TARS1: variants seen among roughly 807,000 people sequenced by gnomAD.
TARS1 encodes threonine--tRNA ligase 1, cytoplasmic.
TARS1 carries 57 observed loss-of-function variants against 97.7 expected under a neutral mutation model. That is an observed-to-expected ratio of 0.58 (90% confidence interval 0.47 to 0.73). The LOEUF is 0.73. Among genes scored for constraint, TARS1 ranks in the 30% least tolerant of loss-of-function variants. The pLI is 0.00. For missense variants in TARS1, 806 were observed against 888.3 expected, an observed-to-expected ratio of 0.91 and a Z score of 1.18; for synonymous variants, 312 against 293.7, an observed-to-expected ratio of 1.06 and a Z score of -0.64.
At chr5:33,445,863 T>C (rs1211684101) in intron 2 of TARS1, among the ~76,000 whole-genome samples, 2 of 152,188 alleles carry the variant, frequency 1.3e-5, no homozygotes, top group African/African-American at 2.4e-5. Flanking sequence ...GGTTGGCTTC[T>C]AAGCCAGGAC....
chr5:33,455,831 T>C (rs1741987684), intron 6 of TARS1, 127 bp downstream of exon 6: 1 of 982,658 alleles, frequency 1.0e-6, no homozygotes, highest in Non-Finnish European at 1.5e-6. Context: ...AATTAAGTGT[T>C]TTTATTATTT....
chr5:33,450,292 A>G (rs1579579563), intron 3 of TARS1, among the ~76,000 whole-genome samples: 2 of 152,320 alleles, frequency 1.3e-5, no homozygotes, highest in African/African-American at 4.8e-5. Context: ...ATTATCATCA[A>G]TTTTGTATTG....
chr5:33,445,582 CTT>C (rs1275327697), intron 2 of TARS1, among the ~76,000 whole-genome samples, 178 bp downstream of exon 2: 4 of 152,170 alleles, frequency 2.6e-5, no homozygotes, highest in Non-Finnish European at 5.9e-5. Context: ...GGAAAAAAGA[CTT>C]TCAGTTGTTA....
chr5:33,448,556 G>T lies in TARS1; in HGVS notation c.154G>T (p.Glu52Ter). The T allele has an allele frequency of 6.3e-7, 1 of 1,589,678 alleles. No homozygotes were observed. Among genetic ancestry groups the T allele is most frequent in the South Asian group, 1.1e-5 (1 of 87,074 alleles). The change falls in exon 3 of 19, where the codon GAA becomes TAA. Residue 52 changes from glutamate to a stop codon, truncating the protein, a stop_gained. Transcript: ENST00000265112. LOFTEE classifies it high-confidence loss of function. ...TGTCTTGCAGTTGAATCCTTGGCCT[G>T]AATATATTTACACACGTCTTGAGAT... is the stretch of plus-strand genomic sequence containing the variant. ...GGRAELNPWP[E>*]YIYTRLEMYN...
At chr5:33,454,086 C>T (rs1369204721) in intron 4 of TARS1, among the ~76,000 whole-genome samples, 1 of 152,184 alleles carries the variant, frequency 6.6e-6, no homozygotes, top group African/African-American at 2.4e-5. Flanking sequence ...TACTTCAAAG[C>T]ACTGCCTTTA....
Position 33,441,031 on chromosome 5 carries a change from G to T in TARS1, c.-56G>T. 1.2e-6 allele frequency: 2 copies of T among 1,611,278 alleles called. No individual in the cohort carries two copies. Among genetic ancestry groups the T allele is most frequent in the Middle Eastern group, 1.7e-4 (1 of 5,932 alleles). On this transcript the variant is annotated 5_prime_UTR_variant, in exon 1 of 19. Transcript: ENST00000265112. Reference sequence around the variant, plus strand: ...TAGCCCACCTCCCACCCGCCTCTTGGCTCCTCTCCTCTAGGCCGTCGCTTT... The same window carrying T: ...TAGCCCACCTCCCACCCGCCTCTTGTCTCCTCTCCTCTAGGCCGTCGCTTT...
intron 2 of TARS1, among the ~76,000 whole-genome samples, chr5:33,445,616 G>A (rs777545371): frequency 2.9e-4 from 44 of 152,230 alleles, no homozygotes; most frequent in Non-Finnish European, 3.5e-4. Context: ...AGCAACTGGC[G>A]TATGATTGTA....
chr5:33,458,482 G>A, intron 9 of TARS1, 84 bp from the exon 10 acceptor site: 1 of 1,155,634 alleles, frequency 8.7e-7, no homozygotes, highest in South Asian at 1.5e-5. Flanking sequence ...CATATTCTGA[G>A]CTCAAGAACA....
chr5:33,457,627 T>C (rs1742095269), intron 9 of TARS1, among the ~76,000 whole-genome samples: 1 of 152,226 alleles, frequency 6.6e-6, no homozygotes, highest in Admixed American at 6.5e-5. Context: ...GAACTACTTT[T>C]ATTGAGAGCA....
In TARS1 at chr5:33,461,067, A is replaced by G. The variant is rs778257005; in HGVS notation, c.1413+3A>G. The G allele has an allele frequency of 8.1e-6, 13 of 1,613,474 alleles. No individual in the cohort carries two copies. The South Asian group carries it at 1.2e-4, about 15-fold the overall frequency. On this transcript the variant is annotated splice_donor_region_variant and intron_variant, in intron 12 of 18. Coordinates refer to ENST00000265112, the MANE Select transcript of TARS1 (RefSeq NM_152295.5). ...ACATATTCTGTGCCATGGAGCAGGT[A>G]TGAGACCCTGGGAATAAAATACTTA...
chr5:33,443,873 T>C (rs994488210), intron 1 of TARS1, among the ~76,000 whole-genome samples: 1 of 152,190 alleles, frequency 6.6e-6, no homozygotes, highest in African/African-American at 2.4e-5. Flanking sequence ...TGAATCTAAA[T>C]GAACCTTTAA....
Position 33,467,694 on chromosome 5 carries a change from G to A in TARS1, c.2158G>A (p.Glu720Lys), listed in dbSNP as rs1244112442. 6.2e-7 allele frequency: 1 copy of A among 1,609,084 alleles called. No individual in the cohort carries two copies. The highest frequency in any genetic ancestry group is 1.3e-5 in the African/African-American group (1 of 74,678). ...QLKEFRSKQAEEEF is the reference protein window; with the variant it reads ...QLKEFRSKQAKEEF ...CAAAGAGTTCCGCAGCAAACAGGCA[G>A]AAGAAGAATTTTAATGAAAAAATTA... The change falls in exon 19 of 19, where the codon GAA (glutamate) becomes AAA (lysine). Residue 720 changes from glutamate to lysine, a missense_variant. Coordinates refer to ENST00000265112, the MANE Select transcript of TARS1 (RefSeq NM_152295.5).
At chr5:33,446,356 A>T (rs1239951352) in intron 2 of TARS1, among the ~76,000 whole-genome samples, 1 of 152,186 alleles carries the variant, frequency 6.6e-6, no homozygotes, top group Admixed American at 6.5e-5. Context: ...GTTGATTGTG[A>T]ATTTTAAAAT....
At chr5:33,461,549 A>AT in intron 13 of TARS1, 118 bp from the exon 14 acceptor site, 2 of 1,141,580 alleles carry the variant, frequency 1.8e-6, no homozygotes, top group East Asian at 5.0e-5. Flanking sequence ...GGTGGACAAA[A>AT]TTCTAAAGCA....
chr5:33,444,279 A>T (rs960292657), intron 1 of TARS1, among the ~76,000 whole-genome samples: 1 of 152,218 alleles, frequency 6.6e-6, no homozygotes, highest in Non-Finnish European at 1.5e-5. Flanking sequence ...GTAAACTGCT[A>T]ATGGGTACAA....
intron 3 of TARS1, chr5:33,452,581 G>T: frequency 1.6e-6 from 1 of 628,360 alleles, no homozygotes; most frequent in Non-Finnish European, 2.7e-6. Flanking sequence ...TTGTATATTG[G>T]GTGTGTAATG....
rs749380627 is a variant in TARS1 at position 33,453,430 on chromosome 5, A to G, written c.453+18A>G. 4 of 1,612,394 alleles carry G rather than the reference A, an allele frequency of 2.5e-6. No individual in the cohort carries two copies. The South Asian group carries it at 3.3e-5, about 13-fold the overall frequency. ...CTCAGGCAGTAAGTTGCTGATTAGT[A>G]TTCATTGAATTTTAGGATGCAGATT... On this transcript the variant is annotated intron_variant, in intron 4 of 18. Coordinates refer to ENST00000265112, the MANE Select transcript of TARS1 (RefSeq NM_152295.5).
At chr5:33,449,328 C>CGCGTATAT (rs1169003370) in intron 3 of TARS1, among the ~76,000 whole-genome samples, 3 of 104,716 alleles carry the variant, frequency 2.9e-5, no homozygotes, top group Non-Finnish European at 6.1e-5. Flanking sequence ...TATATATATA[C>CGCGTATAT]GCGTATATAT....
rs1295037590 is a variant in TARS1, at chr5:33,453,269, T to C, written c.330-20T>C. 6.9e-6 allele frequency: 10 copies of C among 1,456,382 alleles called. No individual in the cohort carries two copies. The highest frequency in any genetic ancestry group is 5.5e-5 in the Admixed American group (2 of 36,484). 90.2% of individuals were successfully genotyped at this position (1,456,382 alleles called of 1,614,324 possible). On this transcript the variant is annotated intron_variant, in intron 3 of 18. Transcript: ENST00000265112. ...GTACTTATATATGTGTGGACTTTTT[T>C]TTTTTTTTTTTTTTTTAAGTCAAGG...
Sources: allele counts gnomAD v4.1 joint callset (sites outside exome capture counted in the v4.1 genomes callset), GRCh38; gene constraint gnomAD v4.1.1; transcripts MANE v1.5; gene names NCBI Gene and HGNC (gene_info 2026-07-23, HGNC 2026-07-21).